Variants in MYO6 observed in about 807,000 individuals in gnomAD.
MYO6 encodes the protein myosin VI.
In MYO6, 74 loss-of-function variants were observed where a neutral mutation model predicts 178.7. The ratio of observed to expected loss-of-function variants is 0.41; its 90% confidence interval spans 0.34 to 0.50. The LOEUF is 0.50. Ranked by LOEUF, MYO6 falls within the 20% of genes least tolerant of loss-of-function variation. The pLI is 0.09. For synonymous variants in MYO6, 477 were observed against 504.6 expected (o/e 0.95, Z 0.73); for missense variants, 1,330 against 1,547.4 (o/e 0.86, Z 2.36).
rs368097606 is a variant in MYO6 at position 75,907,697 on chromosome 6, A to G, written c.3269A>G (p.Asn1090Ser). ...TATGCAGAACTACGTGATACCATCA[A>G]TACTTCTTGTGGTAAGTGTTTGGAG... ...WKYAELRDTI[N>S]TSCDIELLAA... is the part of the protein sequence containing the mutation. Residue 1090 changes from asparagine (N) to serine (S), a missense_variant, in exon 31 of 35, where the codon AAT becomes AGT. Transcript: ENST00000369977. 92 of 1,608,530 alleles carry G rather than the reference A, an allele frequency of 5.7e-5. No homozygotes were observed. Among genetic ancestry groups the G allele is most frequent in the East Asian group, 1.8e-4 (8 of 44,836 alleles).
At chr6:75,865,406 CTGGTTGGAGTGCAG>C (rs1402887291) in intron 16 of MYO6, 2 of 136,042 alleles carry the variant, frequency 1.5e-5, no homozygotes, top group Admixed American at 1.6e-4. Flanking sequence ...CTCTGTTGCC[CTGGTTGGAGTGCAG>C]TGGTTCTTTC....
rs1305516363 is a variant in MYO6 at position 75,873,120 on chromosome 6, T to C, written c.1984-87T>C. 6.9e-6 allele frequency: 7 copies of C among 1,011,544 alleles called. No homozygotes were observed. The East Asian group carries it at 1.8e-4, about 25-fold the overall frequency. 62.7% of individuals were successfully genotyped at this position (1,011,544 alleles called of 1,614,324 possible). ...TTACAGGTTCATATGTTAATGTTAA[T>C]ATGCTTTGAAAGTTGCAGGTATTCA... On this transcript the variant is annotated intron_variant, in intron 19 of 34. Coordinates refer to ENST00000369977, the MANE Select transcript of MYO6 (RefSeq NM_004999.4).
intron 5 of MYO6, among the ~76,000 whole-genome samples, 200 bp downstream of exon 5, chr6:75,830,745 T>A (rs934819891): frequency 6.6e-6 from 1 of 152,224 alleles, no homozygotes; most frequent in Non-Finnish European, 1.5e-5. Context: ...AGTCAACTAA[T>A]GGGGCAGGCT....
intron 28 of MYO6, among the ~76,000 whole-genome samples, chr6:75,894,137 AT>A (rs1200334810): frequency 5.3e-5 from 8 of 152,174 alleles, no homozygotes; most frequent in Non-Finnish European, 7.4e-5. Flanking sequence ...CAAGCTTTAT[AT>A]TTATGCACTT....
At chr6:75,876,348 C>T (rs2149334782) in intron 20 of MYO6, among the ~76,000 whole-genome samples, 1 of 152,228 alleles carries the variant, frequency 6.6e-6, no homozygotes, top group East Asian at 1.9e-4. Context: ...ACATACATTC[C>T]TATTTCCCTG....
chr6:75,883,739 G>A (rs1778216407), intron 23 of MYO6, among the ~76,000 whole-genome samples: 1 of 152,082 alleles, frequency 6.6e-6, no homozygotes, highest in Non-Finnish European at 1.5e-5. Context: ...TAATTGTTGG[G>A]AGCTGTGTAG....
intron 1 of MYO6, among the ~76,000 whole-genome samples, chr6:75,760,779 A>G (rs1008968086): frequency 2.0e-5 from 3 of 151,920 alleles, no homozygotes; most frequent in Non-Finnish European, 2.9e-5. Flanking sequence ...GTGATTTTCA[A>G]ACTTTTGTGG....
chr6:75,808,353 T>A (rs920050618), intron 1 of MYO6, among the ~76,000 whole-genome samples: 1 of 152,188 alleles, frequency 6.6e-6, no homozygotes, highest in African/African-American at 2.4e-5. Context: ...CTTTCCATGG[T>A]GCATGTACTC....
chr6:75,899,472 G>GTAGA (rs1779562523), intron 30 of MYO6, among the ~76,000 whole-genome samples: 1 of 152,190 alleles, frequency 6.6e-6, no homozygotes, highest in African/African-American at 2.4e-5. Flanking sequence ...GTTTAGGGAT[G>GTAGA]TAGAAAAGAC....
Position 75,862,661 on chromosome 6 carries a change from C to G in MYO6, c.1612C>G (p.Pro538Ala). ...ILDEENRLPQ[P>A]SDQHFTSAVH... is the part of the protein sequence containing the mutation. ...GGATGAAGAAAATCGCCTTCCCCAGCCAAGTGATCAACACTTTACATCTGC... is the reference window on the plus strand; with the variant it reads ...GGATGAAGAAAATCGCCTTCCCCAGGCAAGTGATCAACACTTTACATCTGC... Residue 538 changes from proline to alanine, a missense_variant, in exon 16 of 35, where the codon CCA (proline) becomes GCA (alanine). Around this residue, in one of 3 missense-constraint regions of MYO6, gnomAD observed 613 missense variants for 816.8 expected, o/e 0.75. Transcript: ENST00000369977. 1.2e-6 allele frequency: 2 copies of G among 1,614,008 alleles called. No individual in the cohort carries two copies. Among genetic ancestry groups the G allele is most frequent in the Non-Finnish European group, 1.7e-6 (2 of 1,179,906 alleles).
chr6:75,813,043 T>A (rs1409185735), intron 1 of MYO6, among the ~76,000 whole-genome samples: 2 of 152,212 alleles, frequency 1.3e-5, no homozygotes, highest in Non-Finnish European at 2.9e-5. Flanking sequence ...GTAGTTATAT[T>A]AAATGGTTTT....
Position 75,915,258 on chromosome 6 carries a change from A to G in MYO6, c.*246A>G, listed in dbSNP as rs1781060598. 3.8e-6 allele frequency: 2 copies of G among 528,080 alleles called. No homozygotes were observed. The highest frequency in any genetic ancestry group is 3.8e-5 in the African/African-American group (2 of 52,286). 32.7% of individuals were successfully genotyped at this position (528,080 alleles called of 1,614,324 possible). A position where few individuals can be genotyped will look rare whatever the true frequency, so the allele number is the denominator to read the frequency against. On this transcript the variant is annotated 3_prime_UTR_variant, in exon 35 of 35. Transcript: ENST00000369977. Reference sequence around the variant, plus strand: ...TCTCATTATTCTCTAACTATTACACATGGGCATATTCTGATGTTTCTCATC... The same window carrying G: ...TCTCATTATTCTCTAACTATTACACGTGGGCATATTCTGATGTTTCTCATC...
chr6:75,913,853 G>A (rs919331577), intron 33 of MYO6, among the ~76,000 whole-genome samples: 1 of 152,122 alleles, frequency 6.6e-6, no homozygotes, highest in African/African-American at 2.4e-5. Flanking sequence ...TGTTGGCAAT[G>A]CTAAGAAACA....
intron 31 of MYO6, 67 bp downstream of exon 31, chr6:75,907,775 G>A: frequency 8.3e-7 from 1 of 1,206,314 alleles, no homozygotes; most frequent in Non-Finnish European, 1.2e-6. Flanking sequence ...ACCTAGATTA[G>A]GGTGAGGTGT....
chr6:75,836,459 T>C (rs990101834), intron 7 of MYO6, among the ~76,000 whole-genome samples: 5 of 152,224 alleles, frequency 3.3e-5, no homozygotes, highest in African/African-American at 1.2e-4. Context: ...ACTACCATTA[T>C]GTTGAATCTC....
At chr6:75,909,186 AC>A (rs1375199018) in intron 32 of MYO6, among the ~76,000 whole-genome samples, 2 of 152,020 alleles carry the variant, frequency 1.3e-5, no homozygotes, top group African/African-American at 4.8e-5. Context: ...TACTGCTCCC[AC>A]CCCTTTTTCT....
chr6:75,878,743 G>A (rs753382801), intron 20 of MYO6, among the ~76,000 whole-genome samples: 10 of 152,126 alleles, frequency 6.6e-5, no homozygotes, highest in African/African-American at 9.7e-5. Flanking sequence ...ATGGCTTGCC[G>A]TTTGTCATAA....
chr6:75,873,089 T>G, intron 19 of MYO6, 118 bp from the exon 20 acceptor site: 1 of 824,218 alleles, frequency 1.2e-6, no homozygotes, highest in Non-Finnish European at 2.0e-6. Flanking sequence ...TCTTTAGTAA[T>G]TACTTTTACA....
chr6:75,751,507 GTAAAT>G (rs1381776055), intron 1 of MYO6, among the ~76,000 whole-genome samples: 1 of 152,192 alleles, frequency 6.6e-6, no homozygotes, highest in Non-Finnish European at 1.5e-5. Context: ...AATATTTAAT[GTAAAT>G]TAATGCAATT....
Sources: gnomAD v4.1 joint callset for allele counts (sites outside exome capture counted in the v4.1 genomes callset) on GRCh38, gnomAD v4.1.1 for gene constraint, gnomAD v4.1.1 regional missense constraint, MANE v1.5 for transcripts, NCBI Gene and HGNC (gene_info 2026-07-23, HGNC 2026-07-21) for gene names.